Variants in CNST observed in about 807,000 individuals in gnomAD.
The protein encoded by CNST is consortin, connexin sorting protein.
A neutral mutation model predicts 72.4 loss-of-function variants in CNST; 39 were observed. The observed-to-expected ratio is 0.54, with a 90% confidence interval of 0.42 to 0.70. The LOEUF is 0.70. Ranked by LOEUF, CNST falls within the 30% of genes least tolerant of loss-of-function variation. CNST has a pLI of 0.00. For missense variants in CNST, 871 were observed against 868.5 expected (o/e 1.00, Z -0.04); for synonymous variants, 332 against 320.1 (o/e 1.04, Z -0.40).
At chr1:246,660,996 G>C (rs944109558) in intron 10 of CNST, among the ~76,000 whole-genome samples, 10 of 151,482 alleles carry the variant, frequency 6.6e-5, no homozygotes. Flanking sequence ...TTTTAAGACG[G>C]TCTTGCTCTG....
At chr1:246,601,462 C>T (rs1391862914) in intron 2 of CNST, among the ~76,000 whole-genome samples, 1 of 152,086 alleles carries the variant, frequency 6.6e-6, no homozygotes, top group African/African-American at 2.4e-5. Context: ...GCTTACCCTC[C>T]TAGACCCCTG....
Position 246,623,898 on chromosome 1 carries a change from C to CAAA in CNST, c.585+2276_585+2278dup, listed in dbSNP as rs201954021. On this transcript the variant is annotated intron_variant, in intron 3 of 10. Transcript: ENST00000366513. ...GCAACATCATGAAACCTTGTCTCTA[C>CAAA]AAAAAAAAAAAAAATGTAGCCAGGC... Among the ~76,000 whole-genome samples the CAAA allele has an allele frequency of 4.2e-3, 589 of 138,682 alleles. 8 individuals carry two copies. The highest frequency in any genetic ancestry group is 0.015 in the East Asian group (69 of 4,724). The allele number at this position is 138,682 out of a possible 152,430, so 91.0% of individuals were successfully genotyped here.
intron 2 of CNST, among the ~76,000 whole-genome samples, chr1:246,613,314 A>G (rs1182001470): frequency 6.6e-6 from 1 of 152,144 alleles, no homozygotes; most frequent in African/African-American, 2.4e-5. Flanking sequence ...ATTATTGCAC[A>G]TTCCTTTCCT....
intron 4 of CNST, among the ~76,000 whole-genome samples, chr1:246,633,212 G>A (rs1664888993): frequency 6.6e-6 from 1 of 152,182 alleles, no homozygotes; most frequent in Non-Finnish European, 1.5e-5. Flanking sequence ...CAATTTGGGA[G>A]GCTGAGGCAG....
intron 6 of CNST, 104 bp from the exon 7 acceptor site, chr1:246,641,645 C>T (rs1316985906): frequency 1.4e-6 from 1 of 692,530 alleles, no homozygotes; most frequent in African/African-American, 1.8e-5. Flanking sequence ...TATTAGAATC[C>T]AGAGAAGCTG....
intron 1 of CNST, among the ~76,000 whole-genome samples, chr1:246,568,502 A>T (rs186277835): frequency 6.6e-6 from 1 of 152,312 alleles, no homozygotes; most frequent in Non-Finnish European, 1.5e-5. Flanking sequence ...ATTTAGACAT[A>T]CTTTATTAGA....
intron 1 of CNST, among the ~76,000 whole-genome samples, chr1:246,589,485 G>A (rs1572135118): frequency 6.6e-6 from 1 of 151,892 alleles, no homozygotes; most frequent in African/African-American, 2.4e-5. Context: ...TGGTGTATAT[G>A]TGCCACATTT....
intron 9 of CNST, among the ~76,000 whole-genome samples, chr1:246,657,516 G>A (rs1666837033): frequency 1.3e-5 from 2 of 152,322 alleles, no homozygotes; most frequent in African/African-American, 4.8e-5. Flanking sequence ...TTGTGACGGA[G>A]GGGGTGTCAA....
chr1:246,618,624 A>C lies in CNST; in HGVS notation c.380-2805A>C, dbSNP rs1433310941. Among the ~76,000 whole-genome samples the C allele has an allele frequency of 1.3e-5, 2 of 152,164 alleles. 1 individual carries two copies. The highest frequency in any genetic ancestry group is 1.3e-4 in the Admixed American group (2 of 15,274). On this transcript the variant is annotated intron_variant, in intron 2 of 10. Transcript: ENST00000366513. ...CCATTAGCCCCCTGCTGCTCTTGGA[A>C]TCCTTAGACTTCTGTGGGCTTTTGG... is the stretch of plus-strand genomic sequence containing the variant.
intron 9 of CNST, among the ~76,000 whole-genome samples, chr1:246,657,103 G>A (rs181372597): frequency 4.5e-4 from 68 of 152,118 alleles, no homozygotes; most frequent in African/African-American, 1.5e-3. Context: ...ATGAAATTGA[G>A]GCAAACCCCA....
chr1:246,574,627 C>G (rs1572109047), intron 1 of CNST, among the ~76,000 whole-genome samples: 2 of 152,014 alleles, frequency 1.3e-5, no homozygotes, highest in East Asian at 3.9e-4. Flanking sequence ...CCCTGTGTTG[C>G]CCCAGCTGGT....
chr1:246,632,147 A>T, intron 4 of CNST: 1 of 436,450 alleles, frequency 2.3e-6, no homozygotes, highest in Non-Finnish European at 4.0e-6. Context: ...TACCTTCATA[A>T]ATAGGCCTTA....
At chr1:246,654,708 A>G (rs927429468) in intron 9 of CNST, among the ~76,000 whole-genome samples, 7 of 152,254 alleles carry the variant, frequency 4.6e-5, no homozygotes, top group African/African-American at 1.7e-4. Context: ...TAGTTCACTT[A>G]TAAAAATAAA....
rs776124037 is a variant in CNST at position 246,641,736 on chromosome 1, T to C, written c.819-13T>C. On this transcript the variant is annotated splice_polypyrimidine_tract_variant and intron_variant, in intron 6 of 10. Transcript: ENST00000366513. ...TTTTTTTAAAATTCTTTTTTCTTTC[T>C]TTTTTCCTACAGTCCTCTTTTATCC... 3.1e-6 allele frequency: 4 copies of C among 1,305,510 alleles called. No homozygotes were observed. Among genetic ancestry groups the C allele is most frequent in the Non-Finnish European group, 3.3e-6 (3 of 914,764 alleles). The allele number at this position is 1,305,510 out of a possible 1,614,324, so 80.9% of individuals were successfully genotyped here. A position where few individuals can be genotyped will look rare whatever the true frequency, so the allele number is the denominator to read the frequency against.
intron 2 of CNST, among the ~76,000 whole-genome samples, chr1:246,597,786 A>G (rs1199105642): frequency 4.6e-5 from 7 of 152,130 alleles, no homozygotes; most frequent in African/African-American, 1.7e-4. Flanking sequence ...TCTTACCTAT[A>G]TGATCTTAGA....
chr1:246,628,814 G>A (rs745622747), intron 3 of CNST, among the ~76,000 whole-genome samples: 3 of 152,160 alleles, frequency 2.0e-5, no homozygotes. Flanking sequence ...GCCCTTCACA[G>A]TGTCTTTTTT....
chr1:246,638,201 T>G (rs890684685), intron 6 of CNST, among the ~76,000 whole-genome samples: 5 of 152,244 alleles, frequency 3.3e-5, no homozygotes, highest in Admixed American at 3.3e-4. Flanking sequence ...TTCCTTGATG[T>G]ACCATGGTCC....
At chr1:246,651,871 A>G (rs538170540) in intron 9 of CNST, among the ~76,000 whole-genome samples, 4 of 152,312 alleles carry the variant, frequency 2.6e-5, no homozygotes, top group African/African-American at 7.2e-5. Flanking sequence ...GCATTGTCAG[A>G]CAACACATTG....
chr1:246,642,085 C>T, intron 8 of CNST, 48 bp downstream of exon 8: 2 of 843,666 alleles, frequency 2.4e-6, no homozygotes, highest in Non-Finnish European at 3.6e-6. Context: ...ATACCTGCCT[C>T]TTCTGATCTT....
Sources: gnomAD v4.1 joint callset for allele counts (sites outside exome capture counted in the v4.1 genomes callset) on GRCh38, gnomAD v4.1.1 for gene constraint, MANE v1.5 for transcripts, NCBI Gene and HGNC (gene_info 2026-07-23, HGNC 2026-07-21) for gene names.